The following FHOD3 variants were observed in gnomAD, a reference collection of about 807,000 sequenced individuals.
FHOD3 encodes FH1/FH2 domain-containing protein 3.
Under a neutral mutation model 173.0 loss-of-function variants are expected in FHOD3, and 90 were observed. The ratio of observed to expected loss-of-function variants is 0.52; its 90% CI spans 0.44 to 0.62. The LOEUF is 0.62. FHOD3 is among the 20% of genes least tolerant of loss of function. The pLI, the probability that FHOD3 is intolerant of heterozygous loss-of-function variation, is 0.00. For missense variants in FHOD3, 1,945 were observed against 2,034.7 expected, an observed-to-expected ratio of 0.96 and a Z score of 0.85; for synonymous variants, 828 against 823.0, an observed-to-expected ratio of 1.01 and a Z score of -0.10.
At chr18:36,395,717 A>G (rs553613775) in intron 3 of FHOD3, among the ~76,000 whole-genome samples, 88 of 152,220 alleles carry the variant, frequency 5.8e-4, no homozygotes, top group Non-Finnish European at 1.0e-3. Context: ...AGGATTTACA[A>G]AAATAAAAGC....
intron 3 of FHOD3, among the ~76,000 whole-genome samples, chr18:36,479,291 C>T (rs2053754005): frequency 6.6e-6 from 1 of 152,126 alleles, no homozygotes; most frequent in African/African-American, 2.4e-5. Flanking sequence ...CTATACATTG[C>T]CTTTTTGTTT....
intron 3 of FHOD3, among the ~76,000 whole-genome samples, chr18:36,395,612 T>C (rs2048520594): frequency 1.3e-5 from 2 of 152,208 alleles, no homozygotes; most frequent in Admixed American, 1.3e-4. Flanking sequence ...CATGAGTGCA[T>C]GGAGTTTTCC....
chr18:36,756,375 G>A (rs750745349), intron 25 of FHOD3, among the ~76,000 whole-genome samples: 4 of 152,046 alleles, frequency 2.6e-5, no homozygotes, highest in South Asian at 2.1e-4. Context: ...CCATCTGTGC[G>A]TGCATTTGAG....
At position 36,687,116 on chromosome 18, in the gene FHOD3, T is replaced by C. The variant is rs2149449909; in HGVS notation, c.1971-12T>C. 1 of 1,602,180 alleles carries C rather than the reference T, an allele frequency of 6.2e-7. No individual in the cohort carries two copies. On this transcript the variant is annotated splice_polypyrimidine_tract_variant and intron_variant, in intron 15 of 28. Transcript: ENST00000590592. ...TCTTTTCCTGTTTGTTTGTTCTACA[T>C]ATTTCCATTAGCCGAGATTATTTAG... is the stretch of plus-strand genomic sequence containing the variant.
chr18:36,762,869 TATATA>T (rs2042942007), intron 27 of FHOD3, among the ~76,000 whole-genome samples: 1 of 148,040 alleles, frequency 6.8e-6, no homozygotes, highest in East Asian at 1.9e-4. Flanking sequence ...ATATACATAA[TATATA>T]ATATGTTAAA....
chr18:36,573,197 C>T (rs1276382167), intron 5 of FHOD3, among the ~76,000 whole-genome samples: 3 of 148,104 alleles, frequency 2.0e-5, no homozygotes, highest in South Asian at 2.1e-4. Context: ...CAGAAGTAAT[C>T]GATGCTCATG....
Position 36,769,388 on chromosome 18 carries a change from C to A in FHOD3, c.4748C>A (p.Pro1583Gln). The change falls in exon 28 of 29, where the codon CCG becomes CAG. Residue 1583 changes from proline to glutamine, a missense_variant. Around this residue, in one of 5 missense-constraint regions of FHOD3, gnomAD observed 354 missense variants for 359.9 expected, o/e 0.98. Coordinates refer to ENST00000590592, the MANE Select transcript of FHOD3 (RefSeq NM_001281740.3). ...ATQVPSQRVV[P>Q]RERKRSRANR... is the part of the protein sequence containing the mutation. ...CAAGTGCCCAGTCAGCGAGTGGTGC[C>A]GAGGGAGAGGAAACGATCCCGGGCC... The A allele has an allele frequency of 6.2e-7, 1 of 1,614,052 alleles. No homozygotes were observed. Among genetic ancestry groups the A allele is most frequent in the Non-Finnish European group, 8.5e-7 (1 of 1,180,012 alleles).
intron 5 of FHOD3, among the ~76,000 whole-genome samples, chr18:36,567,612 T>C (rs881580): frequency 0.07 from 10,627 of 152,224 alleles, 485 homozygotes; most frequent in South Asian, 0.2. Flanking sequence ...GAGTAAATGG[T>C]AGGAGGCAGA....
At position 36,761,795 on chromosome 18, in the gene FHOD3, T is replaced by C. The variant is rs2042892447; in HGVS notation, c.4624+1013T>C. On this transcript the variant is annotated intron_variant, in intron 27 of 28. Coordinates refer to ENST00000590592, the MANE Select transcript of FHOD3 (RefSeq NM_001281740.3). ...CAGGCTTTCTTCTCTCGGTGTTTGC[T>C]TAGCACACACTATGCGTGCAGCTAG... is the stretch of plus-strand genomic sequence containing the variant. 6.6e-5 allele frequency among the ~76,000 whole-genome samples: 10 copies of C among 152,214 alleles called. No individual in the cohort carries two copies. The South Asian group carries it at 2.1e-3, about 32-fold the overall frequency.
rs950935549 is a variant in FHOD3 at position 36,652,794 on chromosome 18, G to C, written c.1511G>C (p.Gly504Ala). ...SAARPSSATPGSLKVSPTIDK... is the reference protein window; with the variant it reads ...SAARPSSATPASLKVSPTIDK... ...GCTCGGCCCTCCTCCGCCACACCAG[G>C]CTCCCTGAAGGTGTCACCGACCATA... Residue 504 changes from glycine (G) to alanine (A), a missense_variant, in exon 12 of 29, where the codon GGC becomes GCC. Gly to Ala is a moderately conservative substitution (Grantham distance 60). Around this residue, in one of 5 missense-constraint regions of FHOD3, gnomAD observed 1,099 missense variants for 1,051.2 expected, o/e 1.05. Coordinates refer to ENST00000590592, the MANE Select transcript of FHOD3 (RefSeq NM_001281740.3). The C allele has an allele frequency of 3.9e-6, 6 of 1,535,968 alleles. No individual in the cohort carries two copies. The highest frequency in any genetic ancestry group is 2.4e-5 in the East Asian group (1 of 40,898).
chr18:36,415,186 G>A (rs1405168895), intron 3 of FHOD3, among the ~76,000 whole-genome samples: 5 of 152,186 alleles, frequency 3.3e-5, no homozygotes, highest in Non-Finnish European at 7.4e-5. Flanking sequence ...CTGATGACTA[G>A]GGCCATAAGA....
chr18:36,638,273 G>A (rs966694047), intron 10 of FHOD3, among the ~76,000 whole-genome samples: 3 of 152,224 alleles, frequency 2.0e-5, no homozygotes, highest in Non-Finnish European at 2.9e-5. Context: ...GGCATGCCAT[G>A]TGCAATGGCA....
Position 36,671,110 on chromosome 18 carries a change from C to T in FHOD3, c.1836-10326C>T, listed in dbSNP as rs566458986. 2.0e-5 allele frequency among the ~76,000 whole-genome samples: 3 copies of T among 152,358 alleles called. No individual in the cohort carries two copies. The East Asian group carries it at 5.8e-4, about 29-fold the overall frequency. ...TTACATGCATATGCTGAACAATCCT[C>T]ACCTAGTTACTTGAGGGAAACCTTC... On this transcript the variant is annotated intron_variant, in intron 14 of 28. Coordinates refer to ENST00000590592, the MANE Select transcript of FHOD3 (RefSeq NM_001281740.3).
chr18:36,411,722 G>A lies in FHOD3; in HGVS notation c.337+38978G>A, dbSNP rs139179503. Among the ~76,000 whole-genome samples, 184 of 152,350 alleles carry A rather than the reference G, an allele frequency of 1.2e-3. 1 individual carries two copies. Among genetic ancestry groups the A allele is most frequent in the African/African-American group, 4.1e-3 (172 of 41,584 alleles). On this transcript the variant is annotated intron_variant, in intron 3 of 28. Coordinates refer to ENST00000590592, the MANE Select transcript of FHOD3 (RefSeq NM_001281740.3). ...GGCCTGAGTGGCCCAGGAGAATGCT[G>A]TAGTTATTAATTTTCAAAAAGGGTG...
chr18:36,449,670 G>T (rs1341386931), intron 3 of FHOD3, among the ~76,000 whole-genome samples: 2 of 152,124 alleles, frequency 1.3e-5, no homozygotes, highest in Non-Finnish European at 2.9e-5. Flanking sequence ...TTCATGCTTG[G>T]CAAGAATTCT....
At chr18:36,630,706 G>T (rs11664734) in intron 10 of FHOD3, among the ~76,000 whole-genome samples, 18,589 of 152,202 alleles carry the variant, frequency 0.12, 1,222 homozygotes, top group Non-Finnish European at 0.14. Context: ...TGGAGCTGAG[G>T]AATCTGCATT....
chr18:36,426,651 T>G (rs917902244), intron 3 of FHOD3, among the ~76,000 whole-genome samples: 1 of 152,220 alleles, frequency 6.6e-6, no homozygotes, highest in African/African-American at 2.4e-5. Flanking sequence ...GACATGTGCA[T>G]GAAGGAAGGA....
In FHOD3 at chr18:36,615,955, C is replaced by T. The variant is rs946214591; in HGVS notation, c.957+3860C>T. ...GGCAGCACTTGAAGCTGCCAACAGC[C>T]ACCAGCTGGCCAGCTCTTTGTGCGC... On this transcript the variant is annotated intron_variant, in intron 9 of 28. Transcript: ENST00000590592. Among the ~76,000 whole-genome samples the T allele has an allele frequency of 2.4e-4, 37 of 152,184 alleles. 1 individual carries two copies. Among genetic ancestry groups the T allele is most frequent in the Admixed American group, 6.5e-5 (1 of 15,286 alleles).
intron 5 of FHOD3, among the ~76,000 whole-genome samples, chr18:36,570,149 A>G (rs1490955216): frequency 6.6e-6 from 1 of 152,112 alleles, no homozygotes; most frequent in East Asian, 1.9e-4. Flanking sequence ...TTGACCAACA[A>G]GAATGACAAA....
Sources: allele counts gnomAD v4.1 joint callset (sites outside exome capture counted in the v4.1 genomes callset), GRCh38; gene constraint gnomAD v4.1.1; regional missense constraint gnomAD v4.1.1; transcripts MANE v1.5; gene names NCBI Gene and HGNC (gene_info 2026-07-23, HGNC 2026-07-21).